ZMYM4: variants seen among roughly 807,000 people sequenced by gnomAD.
The protein encoded by ZMYM4 is zinc finger MYM-type containing 4, also known as zinc finger MYM-type protein 4.
ZMYM4 carries 31 observed loss-of-function variants against 183.2 expected under a neutral mutation model. That is an observed-to-expected ratio of 0.17 (90% CI 0.13 to 0.23). ZMYM4 has a LOEUF of 0.23. Among genes scored for constraint, ZMYM4 ranks in the 10% least tolerant of loss-of-function variants. The pLI, the probability that ZMYM4 is intolerant of heterozygous loss-of-function variation, is 1.00. For synonymous variants in ZMYM4, 592 were observed against 631.2 expected, an observed-to-expected ratio of 0.94 and a Z score of 0.93; for missense variants, 1,273 against 1,840.3, an observed-to-expected ratio of 0.69 and a Z score of 5.64.
chr1:35,396,571 C>A lies in ZMYM4; in HGVS notation c.2931C>A (p.Pro977=). 6.2e-7 allele frequency: 1 copy of A among 1,613,682 alleles called. No homozygotes were observed. Among genetic ancestry groups the A allele is most frequent in the Non-Finnish European group, 8.5e-7 (1 of 1,179,754 alleles). ...TGTTAGAAGACACTCCAAGTCAGCC[C>A]CAGATTATTGTGGTGCCAGTTCCCG... ...ECQTEDTPSQ[P]QIIVVPVPVP... Residue 977 remains proline, a synonymous_variant, in exon 19 of 30, where the codon CCC becomes CCA. Coordinates refer to ENST00000314607, the MANE Select transcript of ZMYM4 (RefSeq NM_005095.3).
At chr1:35,269,570 A>C (rs191833135) in intron 1 of ZMYM4, among the ~76,000 whole-genome samples, 2 of 152,202 alleles carry the variant, frequency 1.3e-5, no homozygotes, top group African/African-American at 2.4e-5. Flanking sequence ...CATAGCCGTT[A>C]TCTAGACCAA....
chr1:35,354,339 G>T (rs1156286852), intron 2 of ZMYM4, among the ~76,000 whole-genome samples: 1 of 152,094 alleles, frequency 6.6e-6, no homozygotes, highest in East Asian at 1.9e-4. Context: ...CCTCACTGAT[G>T]AACACATACG....
chr1:35,332,163 G>C (rs1046353414), intron 2 of ZMYM4, among the ~76,000 whole-genome samples: 10 of 151,980 alleles, frequency 6.6e-5, no homozygotes, highest in African/African-American at 2.4e-4. Flanking sequence ...TCTTATAGTT[G>C]TTTTGTGAAT....
chr1:35,410,229 A>G (rs1389792280), intron 26 of ZMYM4, among the ~76,000 whole-genome samples: 1 of 152,196 alleles, frequency 6.6e-6, no homozygotes. Flanking sequence ...CCCACTGCCA[A>G]CATTAAGGAT....
intron 9 of ZMYM4, among the ~76,000 whole-genome samples, 197 bp downstream of exon 9, chr1:35,381,955 A>G (rs1332637467): frequency 4.0e-5 from 6 of 151,894 alleles, no homozygotes; most frequent in Admixed American, 3.3e-4. Flanking sequence ...GACCAGCCTG[A>G]CCAACATGGA....
intron 1 of ZMYM4, among the ~76,000 whole-genome samples, chr1:35,312,033 T>C (rs966094090): frequency 3.3e-5 from 5 of 152,178 alleles, no homozygotes; most frequent in Non-Finnish European, 5.9e-5. Context: ...ATTACAGTCA[T>C]GAGCCACCAT....
intron 13 of ZMYM4, among the ~76,000 whole-genome samples, chr1:35,387,907 G>A (rs183414884): frequency 9.7e-4 from 147 of 152,200 alleles, no homozygotes; most frequent in Non-Finnish European, 3.4e-4. Context: ...CTTCTAGTTC[G>A]TGTACTTATT....
At chr1:35,408,872 C>T (rs1639749485) in intron 26 of ZMYM4, among the ~76,000 whole-genome samples, 1 of 152,234 alleles carries the variant, frequency 6.6e-6, no homozygotes, top group Non-Finnish European at 1.5e-5. Flanking sequence ...GTCATCACCA[C>T]TGTCTATTCT....
At position 35,325,396 on chromosome 1, in the gene ZMYM4, G is replaced by A. The variant is rs1242765500; in HGVS notation, c.76G>A (p.Val26Ile). The A allele has an allele frequency of 1.2e-6, 2 of 1,602,912 alleles. No homozygotes were observed. The highest frequency in any genetic ancestry group is 2.3e-5 in the East Asian group (1 of 44,418). ...QKSGAVFDEI[V>I]ENCGGIMDTE... The stretch of plus-strand genomic sequence containing the variant: ...AAGTGGTGCAGTTTTTGATGAAATT[G>A]TAGAGAACTGTAAGTACCATTTGAG... Residue 26 changes from valine (V) to isoleucine (I), a missense_variant, in exon 2 of 30, where the codon GTA (valine) becomes ATA (isoleucine). Physicochemically the swap from Val to Ile is conservative, Grantham distance 29. Around this residue, in one of 6 missense-constraint regions of ZMYM4, gnomAD observed 384 missense variants for 465.6 expected, o/e 0.82. Coordinates refer to ENST00000314607, the MANE Select transcript of ZMYM4 (RefSeq NM_005095.3).
At chr1:35,320,104 C>T (rs1570345189) in intron 1 of ZMYM4, among the ~76,000 whole-genome samples, 1 of 152,204 alleles carries the variant, frequency 6.6e-6, no homozygotes, top group African/African-American at 2.4e-5. Context: ...TCCTGGCACA[C>T]AGCTCCTAAA....
At chr1:35,363,839 G>A (rs1644003691) in intron 5 of ZMYM4, among the ~76,000 whole-genome samples, 2 of 152,186 alleles carry the variant, frequency 1.3e-5, no homozygotes, top group Non-Finnish European at 2.9e-5. Context: ...GAAGACTACA[G>A]CCATGTCTAT....
At chr1:35,319,941 TG>T (rs1642213630) in intron 1 of ZMYM4, among the ~76,000 whole-genome samples, 1 of 152,240 alleles carries the variant, frequency 6.6e-6, no homozygotes, top group Non-Finnish European at 1.5e-5. Flanking sequence ...CTAATAGAAA[TG>T]ATTCTTTTAT....
At chr1:35,394,042 T>C (rs760699756) in intron 18 of ZMYM4, among the ~76,000 whole-genome samples, 1 of 152,104 alleles carries the variant, frequency 6.6e-6, no homozygotes, top group Non-Finnish European at 1.5e-5. Context: ...ATGGACAGGC[T>C]TCTAAGGAGG....
chr1:35,300,817 A>G (rs192004090), intron 1 of ZMYM4, among the ~76,000 whole-genome samples: 34 of 152,234 alleles, frequency 2.2e-4, no homozygotes, highest in African/African-American at 7.2e-4. Flanking sequence ...CATGGAATAT[A>G]TTTATAATAG....
At chr1:35,379,093 G>A (rs972111467) in intron 7 of ZMYM4, among the ~76,000 whole-genome samples, 7 of 152,012 alleles carry the variant, frequency 4.6e-5, no homozygotes, top group Non-Finnish European at 5.9e-5. Flanking sequence ...TAAGACTTGC[G>A]CTTTCTTTTC....
At chr1:35,374,686 A>T (rs1490565965) in intron 7 of ZMYM4, among the ~76,000 whole-genome samples, 1 of 151,472 alleles carries the variant, frequency 6.6e-6, no homozygotes, top group African/African-American at 2.4e-5. Flanking sequence ...AAAAAAAAAA[A>T]GTCAGTCATA....
intron 2 of ZMYM4, among the ~76,000 whole-genome samples, chr1:35,347,777 ATC>A (rs1643453640): frequency 1.3e-5 from 2 of 152,290 alleles, no homozygotes; most frequent in South Asian, 4.1e-4. Context: ...GTCTCCCCAT[ATC>A]TCTGTGGTAT....
intron 1 of ZMYM4, among the ~76,000 whole-genome samples, chr1:35,320,633 G>T (rs1642243131): frequency 6.6e-6 from 1 of 152,212 alleles, no homozygotes; most frequent in African/African-American, 2.4e-5. Flanking sequence ...GGTATCTGAA[G>T]TGGGAGGCAG....
At chr1:35,274,307 AAAT>A (rs893266259) in intron 1 of ZMYM4, among the ~76,000 whole-genome samples, 1 of 152,158 alleles carries the variant, frequency 6.6e-6, no homozygotes, top group Non-Finnish European at 1.5e-5. Flanking sequence ...AGGGATCTGT[AAAT>A]AATAATACTT....
Sources: allele counts gnomAD v4.1 joint callset (sites outside exome capture counted in the v4.1 genomes callset), GRCh38; gene constraint gnomAD v4.1.1; regional missense constraint gnomAD v4.1.1; transcripts MANE v1.5; gene names NCBI Gene and HGNC (gene_info 2026-07-23, HGNC 2026-07-21).